SASH1: variants seen among roughly 807,000 people sequenced by gnomAD.
SASH1 encodes SAM and SH3 domain containing 1.
A neutral mutation model predicts 125.2 loss-of-function variants in SASH1; 44 were observed. The ratio of observed to expected loss-of-function variants is 0.35; its 90% confidence interval spans 0.28 to 0.45. SASH1 has a LOEUF of 0.45. Among genes scored for constraint, SASH1 ranks in the 20% least tolerant of loss-of-function variants. SASH1 has a pLI of 1.00. For synonymous variants in SASH1, 639 were observed against 649.1 expected (o/e 0.98, Z 0.24); for missense variants, 1,426 against 1,614.5 (o/e 0.88, Z 2.00).
the SASH1 span, among the ~76,000 whole-genome samples, chr6:148,241,694 G>T: frequency 1.3e-5 from 2 of 152,198 alleles, no homozygotes; most frequent in African/African-American, 4.8e-5. Flanking sequence ...AAGAGGGCAG[G>T]TTCTGGAGCC....
intron 2 of SASH1, among the ~76,000 whole-genome samples, chr6:148,433,433 GTC>G (rs1776148137): frequency 7.3e-6 from 1 of 137,914 alleles, no homozygotes; most frequent in South Asian, 2.3e-4. Context: ...TTGAGACGGA[GTC>G]TCTCTTTGTC....
chr6:148,424,964 G>C (rs1028853871), intron 2 of SASH1, among the ~76,000 whole-genome samples: 1 of 152,202 alleles, frequency 6.6e-6, no homozygotes, highest in South Asian at 2.1e-4. Flanking sequence ...CACTAAGTTT[G>C]AGAACCGCTG....
At chr6:148,222,315 T>A in the SASH1 span, among the ~76,000 whole-genome samples, 9 of 152,364 alleles carry the variant, frequency 5.9e-5, no homozygotes, top group South Asian at 1.9e-3. Context: ...TTTTCCTTCT[T>A]GCCTTAATTA....
At chr6:148,256,318 G>A in the SASH1 span, among the ~76,000 whole-genome samples, 1 of 152,140 alleles carries the variant, frequency 6.6e-6, no homozygotes, top group Non-Finnish European at 1.5e-5. Context: ...TAACTAGACT[G>A]ACTATTTTAC....
intron 8 of SASH1, among the ~76,000 whole-genome samples, chr6:148,502,469 T>G (rs1481593698): frequency 2.0e-5 from 3 of 152,222 alleles, no homozygotes; most frequent in Non-Finnish European, 4.4e-5. Context: ...AATTTTTTTC[T>G]AAATACGAAG....
intron 1 of SASH1, among the ~76,000 whole-genome samples, chr6:148,361,696 T>G (rs1273150573): frequency 6.6e-6 from 1 of 151,618 alleles, no homozygotes; most frequent in Non-Finnish European, 1.5e-5. Flanking sequence ...AAAAAGAACA[T>G]TGAGAAGATA....
the SASH1 span, among the ~76,000 whole-genome samples, chr6:148,233,191 G>A: frequency 6.7e-6 from 1 of 150,316 alleles, no homozygotes; most frequent in Non-Finnish European, 1.5e-5. Context: ...TCCAGCCTGG[G>A]CAACAAGAGA....
chr6:148,398,588 T>C (rs1784046754), intron 2 of SASH1, among the ~76,000 whole-genome samples: 3 of 152,208 alleles, frequency 2.0e-5, no homozygotes, highest in Admixed American at 2.0e-4. Flanking sequence ...TGAATTCTTA[T>C]TCTTATCCCC....
the SASH1 span, among the ~76,000 whole-genome samples, chr6:148,245,752 C>G: frequency 9.2e-5 from 14 of 152,108 alleles, no homozygotes; most frequent in African/African-American, 3.1e-4. Flanking sequence ...CTTTGGGAGG[C>G]CAAGGCGGGT....
upstream of SASH1, among the ~76,000 whole-genome samples, chr6:148,340,506 A>C (rs1486062347): frequency 6.8e-6 from 1 of 148,004 alleles, no homozygotes; most frequent in African/African-American, 2.5e-5. Context: ...AAAAAAAAAA[A>C]GTATCACGTG....
intron 2 of SASH1, among the ~76,000 whole-genome samples, chr6:148,437,592 A>G (rs1484374904): frequency 1.3e-5 from 2 of 152,236 alleles, no homozygotes; most frequent in African/African-American, 4.8e-5. Flanking sequence ...GTCATGAACT[A>G]TAGTTCTAGC....
At chr6:148,300,042 C>T (rs1779897766) in intron 1 of SASH1, among the ~76,000 whole-genome samples, 1 of 152,132 alleles carries the variant, frequency 6.6e-6, no homozygotes, top group South Asian at 2.1e-4. Flanking sequence ...ACTTGAGAGG[C>T]AGTAAATTGC....
intron 1 of SASH1, among the ~76,000 whole-genome samples, chr6:148,287,385 A>G (rs1779507636): frequency 6.6e-6 from 1 of 152,122 alleles, no homozygotes; most frequent in Admixed American, 6.5e-5. Context: ...CTTGGTGTCC[A>G]GTGGCCCCTG....
chr6:148,525,722 A>G (rs1781104003), intron 11 of SASH1, among the ~76,000 whole-genome samples: 1 of 152,178 alleles, frequency 6.6e-6, no homozygotes, highest in Admixed American at 6.5e-5. Context: ...CTACACACAC[A>G]TAGTGCCATG....
At chr6:148,413,196 A>G (rs1372194893) in intron 2 of SASH1, among the ~76,000 whole-genome samples, 4 of 152,298 alleles carry the variant, frequency 2.6e-5, no homozygotes, top group Middle Eastern at 3.4e-3. Context: ...CCAGTTTAAT[A>G]GTTTGACATT....
chr6:148,395,741 G>C (rs1010654620), intron 2 of SASH1, among the ~76,000 whole-genome samples: 1 of 152,168 alleles, frequency 6.6e-6, no homozygotes, highest in Non-Finnish European at 1.5e-5. Context: ...TGGGCACCAT[G>C]TGTTTTTTTG....
chr6:148,334,133 A>T (rs1195041100), intron 1 of SASH1, among the ~76,000 whole-genome samples: 1 of 57,422 alleles, frequency 1.7e-5, no homozygotes, highest in Non-Finnish European at 3.3e-5. Flanking sequence ...ATTTTAAGAG[A>T]TAATAGCAGG....
chr6:148,236,719 C>T, the SASH1 span, among the ~76,000 whole-genome samples: 1 of 152,152 alleles, frequency 6.6e-6, no homozygotes, highest in Non-Finnish European at 1.5e-5. Context: ...GGCCCACAGA[C>T]AGAAGGCCTG....
At chr6:148,237,393 A>C in the SASH1 span, among the ~76,000 whole-genome samples, 2 of 152,220 alleles carry the variant, frequency 1.3e-5, no homozygotes, top group African/African-American at 4.8e-5. Context: ...AGTATATACT[A>C]CATTACTCTC....
Sources: allele counts gnomAD v4.1 joint callset (sites outside exome capture counted in the v4.1 genomes callset), GRCh38; gene constraint gnomAD v4.1.1; transcripts MANE v1.5; gene names NCBI Gene and HGNC (gene_info 2026-07-23, HGNC 2026-07-21).